Variants in SDK2 observed in about 807,000 individuals in gnomAD.
The protein encoded by SDK2 is sidekick cell adhesion molecule 2, also known as protein sidekick-2.
In SDK2, 105 loss-of-function variants were observed where a neutral mutation model predicts 253.9. The ratio of observed to expected loss-of-function variants is 0.41; its 90% CI spans 0.35 to 0.49. The LOEUF (loss-of-function observed/expected upper bound fraction) is 0.49. Among genes scored for constraint, SDK2 ranks in the 20% least tolerant of loss-of-function variants. The probability of loss-of-function intolerance (pLI) is 0.06; values close to 1 mark genes in which losing one functional copy is unlikely to be tolerated. For synonymous variants in SDK2, 1,249 were observed against 1,234.9 expected, an observed-to-expected ratio of 1.01 and a Z score of -0.24; for missense variants, 2,608 against 3,003.0, an observed-to-expected ratio of 0.87 and a Z score of 3.07.
chr17:73,568,978 T>C (rs2045345971), intron 1 of SDK2, among the ~76,000 whole-genome samples: 1 of 152,218 alleles, frequency 6.6e-6, no homozygotes, highest in South Asian at 2.1e-4. Flanking sequence ...TATGTGCTAA[T>C]GGCCTTTGTG....
intron 1 of SDK2, among the ~76,000 whole-genome samples, chr17:73,525,970 G>A (rs1322496340): frequency 6.6e-6 from 1 of 152,254 alleles, no homozygotes; most frequent in Admixed American, 6.5e-5. Context: ...GGAGCTCCCA[G>A]GCTCACAGGG....
intron 29 of SDK2, among the ~76,000 whole-genome samples, chr17:73,388,286 C>A (rs915707901): frequency 2.6e-5 from 4 of 152,170 alleles, no homozygotes; most frequent in African/African-American, 9.7e-5. Context: ...CTCCTCAGGG[C>A]AGCCCTAAGC....
At chr17:73,353,532 T>G (rs999625148) in intron 40 of SDK2, among the ~76,000 whole-genome samples, 2 of 152,108 alleles carry the variant, frequency 1.3e-5, no homozygotes, top group Admixed American at 1.3e-4. Flanking sequence ...GCGATTCTCC[T>G]GCCTCAGCTT....
Position 73,541,375 on chromosome 17 carries a change from A to T in SDK2, c.65-33778T>A, listed in dbSNP as rs899519989. ...GGCATGGCTAATCCCCAAGCTGCAG[A>T]TGACATCAGAAGGACCAAGGCTAGC... On this transcript the variant is annotated intron_variant, in intron 1 of 44. Coordinates refer to ENST00000392650, the MANE Select transcript of SDK2 (RefSeq NM_001144952.2). This position sits in a 1 kb window ranked among gnomAD's most constrained non-coding sequence, Gnocchi z 4.3. 4.0e-5 allele frequency among the ~76,000 whole-genome samples: 6 copies of T among 151,886 alleles called. No individual in the cohort carries two copies. Among genetic ancestry groups the T allele is most frequent in the Non-Finnish European group, 8.8e-5 (6 of 67,964 alleles).
intron 1 of SDK2, among the ~76,000 whole-genome samples, chr17:73,529,808 G>C (rs755460146): frequency 6.6e-6 from 1 of 152,170 alleles, no homozygotes; most frequent in Admixed American, 6.5e-5. Flanking sequence ...GAAGGAACCC[G>C]CTGGGCTGAC....
chr17:73,447,586 A>T lies in SDK2; in HGVS notation c.613+29T>A. ...TGCTAAGATTTAATGGCCCGCTCCA[A>T]GATCGGTCCCGGCCCTGTGCGTACT... On this transcript the variant is annotated intron_variant, in intron 5 of 44. Coordinates refer to ENST00000392650, the MANE Select transcript of SDK2 (RefSeq NM_001144952.2). This position sits in a 1 kb window ranked among gnomAD's most constrained non-coding sequence, Gnocchi z 4.0. 1 of 1,551,416 alleles carries T rather than the reference A, an allele frequency of 6.4e-7. No homozygotes were observed. The highest frequency in any genetic ancestry group is 8.7e-7 in the Non-Finnish European group (1 of 1,146,694).
intron 1 of SDK2, among the ~76,000 whole-genome samples, chr17:73,584,345 C>A (rs1317100898): frequency 1.3e-5 from 2 of 152,244 alleles, no homozygotes; most frequent in African/African-American, 4.8e-5. Flanking sequence ...CCCCACCTAG[C>A]ACCAGCTTTT....
At chr17:73,392,726 G>T (rs2062938175) in intron 27 of SDK2, among the ~76,000 whole-genome samples, 1 of 152,058 alleles carries the variant, frequency 6.6e-6, no homozygotes, top group African/African-American at 2.4e-5. Flanking sequence ...CTCTGGTCCG[G>T]TTCCTGCAAA....
intron 1 of SDK2, among the ~76,000 whole-genome samples, chr17:73,637,322 GGACCATGTGATCCACTCT>G (rs2143292468): frequency 6.6e-6 from 1 of 152,190 alleles, no homozygotes; most frequent in Non-Finnish European, 1.5e-5. Flanking sequence ...CCATTAGGTG[GGACCATGTGATCCACTCT>G]AATGAATGGG....
chr17:73,564,084 C>G (rs1310841312), intron 1 of SDK2, among the ~76,000 whole-genome samples: 1 of 152,172 alleles, frequency 6.6e-6, no homozygotes, highest in Non-Finnish European at 1.5e-5. Flanking sequence ...CCCAGTAAAT[C>G]TTTTTGAAAA....
chr17:73,453,266 C>T (rs2063501061), intron 4 of SDK2, among the ~76,000 whole-genome samples: 1 of 151,944 alleles, frequency 6.6e-6, no homozygotes, highest in South Asian at 2.1e-4. Context: ...GTGAGAGAGC[C>T]CAGCCAAGAC....
At chr17:73,401,790 T>G (rs931276213) in intron 19 of SDK2, 38 bp from the exon 20 acceptor site, 1 of 1,531,394 alleles carries the variant, frequency 6.5e-7, no homozygotes, top group Admixed American at 2.0e-5. Context: ...CCAAGGCCAG[T>G]TAGAGCCAGA....
chr17:73,413,229 T>C (rs1032823864), intron 18 of SDK2, among the ~76,000 whole-genome samples: 2 of 151,982 alleles, frequency 1.3e-5, no homozygotes, highest in African/African-American at 4.8e-5. Flanking sequence ...GAACTGTGGA[T>C]GTGAGGGATC....
chr17:73,639,951 A>G lies in SDK2; in HGVS notation c.64+4074T>C, dbSNP rs2046377994. On this transcript the variant is annotated intron_variant, in intron 1 of 44. Coordinates refer to ENST00000392650, the MANE Select transcript of SDK2 (RefSeq NM_001144952.2). The surrounding 1 kb of genome is among the most constrained non-coding windows in gnomAD (Gnocchi z 4.3). ...TCGTGTGTCTTTCAAGTCAAATGCAATGATTCCCATTAGTCCTTAGGACAG... is the reference window on the plus strand; with the variant it reads ...TCGTGTGTCTTTCAAGTCAAATGCAGTGATTCCCATTAGTCCTTAGGACAG... Among the ~76,000 whole-genome samples, 1 of 152,084 alleles carries G rather than the reference A, an allele frequency of 6.6e-6. No individual in the cohort carries two copies. The highest frequency in any genetic ancestry group is 1.5e-5 in the Non-Finnish European group (1 of 68,016).
Position 73,534,007 on chromosome 17 carries a change from G to A in SDK2, c.65-26410C>T, listed in dbSNP as rs867866844. 2.6e-5 allele frequency among the ~76,000 whole-genome samples: 4 copies of A among 152,048 alleles called. No homozygotes were observed. Among genetic ancestry groups the A allele is most frequent in the African/African-American group, 4.8e-5 (2 of 41,394 alleles). On this transcript the variant is annotated intron_variant, in intron 1 of 44. Transcript: ENST00000392650. The surrounding 1 kb of genome is among the most constrained non-coding windows in gnomAD (Gnocchi z 4.9). Reference sequence around the variant, plus strand: ...GTGATGCGGCAACATCTGCACCTCCGCTTGCAGCCAAGACGCCATTCTGCT... The same window carrying A: ...GTGATGCGGCAACATCTGCACCTCCACTTGCAGCCAAGACGCCATTCTGCT...
chr17:73,355,167 TATATATA>T (rs2062577113), intron 40 of SDK2, among the ~76,000 whole-genome samples: 1 of 46,394 alleles, frequency 2.2e-5, no homozygotes, highest in East Asian at 7.9e-4. Flanking sequence ...TCCATATATA[TATATATA>T]TTTTTTTTTT....
At position 73,447,491 on chromosome 17, in the gene SDK2, G is replaced by A. The variant is rs1047705725; in HGVS notation, c.613+124C>T. 41 of 1,377,962 alleles carry A rather than the reference G, an allele frequency of 3.0e-5. No individual in the cohort carries two copies. The highest frequency in any genetic ancestry group is 3.7e-5 in the Non-Finnish European group (37 of 1,008,240). 85.4% of individuals were successfully genotyped at this position (1,377,962 alleles called of 1,614,324 possible). Reference sequence around the variant, plus strand: ...CGTCCTCCTTGGGAAGGCTCCCCCCGGCCGTCCCCTAGCTTCCCTGTCCCC... The same window carrying A: ...CGTCCTCCTTGGGAAGGCTCCCCCCAGCCGTCCCCTAGCTTCCCTGTCCCC... On this transcript the variant is annotated intron_variant, in intron 5 of 44. Coordinates refer to ENST00000392650, the MANE Select transcript of SDK2 (RefSeq NM_001144952.2). The surrounding 1 kb of genome is among the most constrained non-coding windows in gnomAD (Gnocchi z 4.0).
intron 16 of SDK2, among the ~76,000 whole-genome samples, 160 bp from the exon 17 acceptor site, chr17:73,416,152 T>G (rs1234989083): frequency 6.6e-6 from 1 of 151,606 alleles, no homozygotes; most frequent in African/African-American, 2.4e-5. Context: ...CACATGCAGC[T>G]GCTGAGCACT....
intron 1 of SDK2, among the ~76,000 whole-genome samples, chr17:73,578,351 C>T (rs2145878124): frequency 6.6e-6 from 1 of 152,294 alleles, no homozygotes; most frequent in East Asian, 1.9e-4. Context: ...AGGCGTGAGC[C>T]ACCACACCCA....
Sources: allele counts gnomAD v4.1 joint callset (sites outside exome capture counted in the v4.1 genomes callset), GRCh38; gene constraint gnomAD v4.1.1; non-coding constraint Gnocchi (gnomAD v3.1); transcripts MANE v1.5; gene names NCBI Gene and HGNC (gene_info 2026-07-23, HGNC 2026-07-21).